The following RBMS3 variants were observed in gnomAD, a reference collection of about 807,000 sequenced individuals.
RBMS3 encodes the protein RNA binding motif single stranded interacting protein 3.
In RBMS3, 27 loss-of-function variants were observed where a neutral mutation model predicts 66.8. The ratio of observed to expected loss-of-function variants is 0.40; its 90% CI spans 0.30 to 0.56. The LOEUF (loss-of-function observed/expected upper bound fraction) is 0.56, where lower values mean the gene tolerates loss of function less well. Ranked by LOEUF, RBMS3 falls within the 20% of genes least tolerant of loss-of-function variation. The pLI is 0.40. For missense variants in RBMS3, 513 were observed against 549.5 expected, an observed-to-expected ratio of 0.93 and a Z score of 0.66; for synonymous variants, 188 against 183.0, an observed-to-expected ratio of 1.03 and a Z score of -0.22.
intron 10 of RBMS3, among the ~76,000 whole-genome samples, chr3:29,916,694 AAT>A (rs2060645083): frequency 6.6e-6 from 1 of 152,052 alleles, no homozygotes; most frequent in South Asian, 2.1e-4. Flanking sequence ...TTTCCAGAAA[AAT>A]ATATGTTATA....
intron 4 of RBMS3, among the ~76,000 whole-genome samples, chr3:29,591,940 C>A (rs1449159415): frequency 1.3e-5 from 2 of 151,942 alleles, no homozygotes; most frequent in East Asian, 1.9e-4. Context: ...GTTAAGCAAT[C>A]ACAAAAGAGA....
chr3:29,988,823 C>T (rs1698618312), intron 13 of RBMS3, among the ~76,000 whole-genome samples: 1 of 152,128 alleles, frequency 6.6e-6, no homozygotes, highest in South Asian at 2.1e-4. Context: ...TAGGTACTAT[C>T]CAGACCTACT....
At chr3:29,569,180 G>A (rs114279639) in intron 3 of RBMS3, among the ~76,000 whole-genome samples, 33 of 152,180 alleles carry the variant, frequency 2.2e-4, no homozygotes, top group African/African-American at 7.5e-4. Context: ...GGTCTTGACC[G>A]TAGTTGGGAC....
chr3:29,352,704 T>C (rs941918523), intron 1 of RBMS3, among the ~76,000 whole-genome samples: 2 of 152,030 alleles, frequency 1.3e-5, no homozygotes, highest in Non-Finnish European at 2.9e-5. Flanking sequence ...TAACTGTATG[T>C]TTGTACCCAT....
chr3:29,897,332 G>C, intron 8 of RBMS3, 47 bp from the exon 9 acceptor site: 1 of 1,533,564 alleles, frequency 6.5e-7, no homozygotes, highest in South Asian at 1.1e-5. Context: ...TTAGAGGCCA[G>C]GCATGTAGCA....
At chr3:29,591,319 AG>A (rs1274404345) in intron 4 of RBMS3, among the ~76,000 whole-genome samples, 1 of 152,178 alleles carries the variant, frequency 6.6e-6, no homozygotes, top group Non-Finnish European at 1.5e-5. Flanking sequence ...TAGCTCAGCA[AG>A]TCATACCTTT....
At chr3:29,751,615 C>A (rs2055186974) in intron 5 of RBMS3, among the ~76,000 whole-genome samples, 1 of 152,190 alleles carries the variant, frequency 6.6e-6, no homozygotes, top group Admixed American at 6.5e-5. Context: ...TGGATAAATA[C>A]ATAGGTATTT....
intron 4 of RBMS3, among the ~76,000 whole-genome samples, chr3:29,721,245 A>T (rs2053630857): frequency 6.6e-6 from 1 of 152,174 alleles, no homozygotes; most frequent in African/African-American, 2.4e-5. Flanking sequence ...GCCTCGTTAC[A>T]TCCTTGCACA....
chr3:29,712,193 C>A (rs2053199921), intron 4 of RBMS3, among the ~76,000 whole-genome samples: 1 of 152,102 alleles, frequency 6.6e-6, no homozygotes, highest in South Asian at 2.1e-4. Flanking sequence ...GATTTTAGAT[C>A]TCACCTTGAC....
At chr3:29,703,072 TACTTA>T (rs1248434067) in intron 4 of RBMS3, among the ~76,000 whole-genome samples, 5 of 152,262 alleles carry the variant, frequency 3.3e-5, no homozygotes, top group African/African-American at 9.6e-5. Flanking sequence ...TTTCAAATAT[TACTTA>T]ACTTTCAAAG....
intron 4 of RBMS3, among the ~76,000 whole-genome samples, chr3:29,700,275 A>G (rs1297641932): frequency 1.3e-5 from 2 of 152,216 alleles, no homozygotes; most frequent in East Asian, 1.9e-4. Flanking sequence ...TAAGCTAGAG[A>G]GTAATAATTT....
chr3:29,682,711 T>A (rs2051550882), intron 4 of RBMS3, among the ~76,000 whole-genome samples: 1 of 152,228 alleles, frequency 6.6e-6, no homozygotes, highest in African/African-American at 2.4e-5. Context: ...ATAACATTTC[T>A]ATTCTGGTTC....
intron 3 of RBMS3, among the ~76,000 whole-genome samples, chr3:29,552,657 T>C (rs2046215139): frequency 6.6e-6 from 1 of 152,116 alleles, no homozygotes; most frequent in East Asian, 1.9e-4. Flanking sequence ...TTATTGGATA[T>C]TGACTGAAGA....
At chr3:29,467,766 T>C (rs1231109641) in intron 2 of RBMS3, among the ~76,000 whole-genome samples, 2 of 152,186 alleles carry the variant, frequency 1.3e-5, no homozygotes, top group East Asian at 3.8e-4. Flanking sequence ...ATATGTGCTA[T>C]CAAGACTAAA....
chr3:29,354,676 T>A (rs2037115977), intron 1 of RBMS3, among the ~76,000 whole-genome samples: 1 of 152,162 alleles, frequency 6.6e-6, no homozygotes, highest in Admixed American at 6.6e-5. Flanking sequence ...ATGATACTAC[T>A]ACTAAACAGT....
intron 3 of RBMS3, among the ~76,000 whole-genome samples, chr3:29,502,792 G>A (rs2044027680): frequency 6.6e-6 from 1 of 152,114 alleles, no homozygotes; most frequent in Admixed American, 6.6e-5. Flanking sequence ...AATTTTAAGT[G>A]GGAAAATAGC....
intron 4 of RBMS3, among the ~76,000 whole-genome samples, chr3:29,600,682 C>T (rs182109099): frequency 3.3e-5 from 5 of 152,132 alleles, no homozygotes; most frequent in Non-Finnish European, 5.9e-5. Context: ...TAATCCTGCT[C>T]GACAAAGTCT....
At chr3:29,966,369 T>C (rs1696848360) in intron 12 of RBMS3, among the ~76,000 whole-genome samples, 1 of 152,166 alleles carries the variant, frequency 6.6e-6, no homozygotes, top group South Asian at 2.1e-4. Flanking sequence ...TCCATTTGTG[T>C]CGTCTATGAT....
At chr3:29,747,574 G>A (rs2054979179) in intron 5 of RBMS3, among the ~76,000 whole-genome samples, 1 of 152,144 alleles carries the variant, frequency 6.6e-6, no homozygotes. Context: ...ACATTCTACT[G>A]GATTGGGGAT....
Sources: gnomAD v4.1 joint callset for allele counts (sites outside exome capture counted in the v4.1 genomes callset) on GRCh38, gnomAD v4.1.1 for gene constraint, MANE v1.5 for transcripts, NCBI Gene and HGNC (gene_info 2026-07-23, HGNC 2026-07-21) for gene names.